The following STX8 variants were observed in gnomAD, a reference collection of about 807,000 sequenced individuals.
STX8 encodes syntaxin-8.
In STX8, 23 loss-of-function variants were observed where a neutral mutation model predicts 37.5. The observed-to-expected ratio is 0.61, with a 90% CI of 0.44 to 0.87. The LOEUF (loss-of-function observed/expected upper bound fraction) is 0.87. Among genes scored for constraint, STX8 ranks in the 40% least tolerant of loss-of-function variants. The pLI is 0.00. For missense variants in STX8, 313 were observed against 284.7 expected, an observed-to-expected ratio of 1.10 and a Z score of -0.71; for synonymous variants, 115 against 99.1, an observed-to-expected ratio of 1.16 and a Z score of -0.95.
At chr17:9,522,902 ATAGC>A (rs1302126891) in intron 4 of STX8, among the ~76,000 whole-genome samples, 1 of 152,126 alleles carries the variant, frequency 6.6e-6, no homozygotes, top group African/African-American at 2.4e-5. Flanking sequence ...AGTTTTTTGA[ATAGC>A]TAGAAGAGAG....
intron 6 of STX8, among the ~76,000 whole-genome samples, chr17:9,430,163 A>ATATAATTTATAAATAAATAAAATATAAAT (rs1555526715): frequency 9.3e-6 from 1 of 107,462 alleles, no homozygotes; most frequent in Admixed American, 1.4e-4. Flanking sequence ...AAAATATAAA[A>ATATAATTTATAAATAAATAAAATATAAAT]TATATATAAT....
At chr17:9,342,509 A>G (rs112519414) in intron 7 of STX8, among the ~76,000 whole-genome samples, 1 of 152,278 alleles carries the variant, frequency 6.6e-6, no homozygotes, top group African/African-American at 2.4e-5. Context: ...GGAGGAGGAG[A>G]AAGAGCTCCA....
intron 7 of STX8, among the ~76,000 whole-genome samples, chr17:9,283,516 G>A (rs1233902001): frequency 2.0e-5 from 3 of 152,104 alleles, no homozygotes; most frequent in Non-Finnish European, 4.4e-5. Flanking sequence ...CTCCAGCCTG[G>A]GTGACAGAGC....
intron 6 of STX8, among the ~76,000 whole-genome samples, chr17:9,400,142 G>A (rs1030331115): frequency 2.8e-5 from 4 of 144,776 alleles, no homozygotes; most frequent in Non-Finnish European, 6.0e-5. Flanking sequence ...TCACTCTGTC[G>A]CCCAGGCTGG....
At chr17:9,290,358 G>A (rs1292420993) in intron 7 of STX8, among the ~76,000 whole-genome samples, 6 of 152,162 alleles carry the variant, frequency 3.9e-5, no homozygotes, top group African/African-American at 1.4e-4. Flanking sequence ...ATGGGGGTGA[G>A]TGCCACCTGC....
intron 4 of STX8, among the ~76,000 whole-genome samples, chr17:9,516,307 ATATATATATATATATAT>A (rs1352933395): frequency 1.2e-5 from 1 of 85,484 alleles, no homozygotes. Flanking sequence ...TCATATATAT[ATATATATATATATATAT>A]ATATATATAT....
intron 6 of STX8, among the ~76,000 whole-genome samples, chr17:9,450,735 T>C (rs930472141): frequency 3.9e-5 from 6 of 152,152 alleles, no homozygotes; most frequent in Non-Finnish European, 8.8e-5. Context: ...GTAGGACTCA[T>C]TGATCAATTT....
intron 7 of STX8, among the ~76,000 whole-genome samples, chr17:9,309,969 T>G (rs1172463412): frequency 6.6e-6 from 1 of 152,248 alleles, no homozygotes; most frequent in African/African-American, 2.4e-5. Flanking sequence ...GTATTTCCTA[T>G]AGCAAATATT....
intron 6 of STX8, among the ~76,000 whole-genome samples, chr17:9,408,307 A>G (rs990117526): frequency 1.3e-5 from 2 of 152,188 alleles, no homozygotes; most frequent in Non-Finnish European, 2.9e-5. Flanking sequence ...GTTGGTCACT[A>G]TAAGGATGTC....
intron 7 of STX8, among the ~76,000 whole-genome samples, chr17:9,315,649 T>C (rs1423588330): frequency 6.6e-6 from 1 of 152,150 alleles, no homozygotes; most frequent in Non-Finnish European, 1.5e-5. Context: ...CATGCTTCCC[T>C]CTCTCAAAGT....
chr17:9,429,265 C>T (rs1358870801), intron 6 of STX8, among the ~76,000 whole-genome samples: 1 of 145,274 alleles, frequency 6.9e-6, no homozygotes, highest in Non-Finnish European at 1.5e-5. Flanking sequence ...CAAAATGGCA[C>T]ATTTTGTTTT....
chr17:9,546,947 T>A (rs926113503), intron 3 of STX8, among the ~76,000 whole-genome samples: 1 of 151,068 alleles, frequency 6.6e-6, no homozygotes, highest in Non-Finnish European at 1.5e-5. Flanking sequence ...ATGTGTGTGG[T>A]ATGTTAAGAA....
chr17:9,403,897 C>T (rs1244166235), intron 6 of STX8, among the ~76,000 whole-genome samples: 2 of 152,068 alleles, frequency 1.3e-5, no homozygotes, highest in African/African-American at 2.4e-5. Flanking sequence ...CTGCCCGCCT[C>T]GGCCTCCCAA....
intron 7 of STX8, among the ~76,000 whole-genome samples, chr17:9,375,063 CAAAAA>C (rs58594029): frequency 3.1e-5 from 2 of 65,452 alleles, no homozygotes; most frequent in Admixed American, 1.9e-4. Flanking sequence ...GACTCTGTCT[CAAAAA>C]AAAAAAAAAA....
At chr17:9,354,214 C>T (rs958200619) in intron 7 of STX8, among the ~76,000 whole-genome samples, 1 of 151,954 alleles carries the variant, frequency 6.6e-6, no homozygotes, top group Non-Finnish European at 1.5e-5. Context: ...AAACATCTAA[C>T]AATTACGTTA....
At chr17:9,345,715 C>T (rs1195702981) in intron 7 of STX8, among the ~76,000 whole-genome samples, 1 of 147,704 alleles carries the variant, frequency 6.8e-6, no homozygotes, top group African/African-American at 2.5e-5. Flanking sequence ...TTTGTAGTGA[C>T]AACATTTAAA....
chr17:9,416,023 C>CCA (rs1167885940), intron 6 of STX8, among the ~76,000 whole-genome samples: 1 of 152,136 alleles, frequency 6.6e-6, no homozygotes, highest in Non-Finnish European at 1.5e-5. Context: ...ATAATGAACC[C>CCA]CACTTGGGCC....
At chr17:9,543,298 T>TA (rs1555535805) in intron 4 of STX8, among the ~76,000 whole-genome samples, 1 of 25,786 alleles carries the variant, frequency 3.9e-5, no homozygotes, top group African/African-American at 1.9e-4. Context: ...GACAGTTTTT[T>TA]GGTTTTTTTT....
intron 4 of STX8, among the ~76,000 whole-genome samples, chr17:9,540,272 G>T (rs1906226811): frequency 6.6e-6 from 1 of 152,154 alleles, no homozygotes; most frequent in South Asian, 2.1e-4. Flanking sequence ...ACTAGTTGGA[G>T]CAACGCTAGC....
Sources: allele counts gnomAD v4.1 joint callset (sites outside exome capture counted in the v4.1 genomes callset), GRCh38; gene constraint gnomAD v4.1.1; transcripts MANE v1.5; gene names NCBI Gene and HGNC (gene_info 2026-07-23, HGNC 2026-07-21).